CYP4F22: variants seen among roughly 807,000 people sequenced by gnomAD.
CYP4F22 encodes cytochrome P450 family 4 subfamily F member 22.
A neutral mutation model predicts 60.4 loss-of-function variants in CYP4F22; 37 were observed. The observed-to-expected ratio is 0.61, with a 90% CI of 0.47 to 0.81. CYP4F22 has a LOEUF of 0.81. Ranked by LOEUF, CYP4F22 falls within the 30% of genes least tolerant of loss-of-function variation. The pLI, the probability that CYP4F22 is intolerant of heterozygous loss-of-function variation, is 0.00. For synonymous variants in CYP4F22, 258 were observed against 280.5 expected, an observed-to-expected ratio of 0.92 and a Z score of 0.80; for missense variants, 655 against 715.0, an observed-to-expected ratio of 0.92 and a Z score of 0.96.
At chr19:15,510,640 T>C (rs564342782) in intron 1 of CYP4F22, among the ~76,000 whole-genome samples, 1 of 152,270 alleles carries the variant, frequency 6.6e-6, no homozygotes, top group East Asian at 1.9e-4. Context: ...AAAACTTCTT[T>C]TTCTGCCAGG....
chr19:15,525,345 C>T lies in CYP4F22; in HGVS notation c.9C>T (p.Pro3=). 1.2e-6 allele frequency: 2 copies of T among 1,613,566 alleles called. No individual in the cohort carries two copies. Among genetic ancestry groups the T allele is most frequent in the East Asian group, 2.2e-5 (1 of 44,882 alleles). ML[P]ITDRLLHLLG... ...CCCTGTGTGTCCCCAGGATGCTGCC[C>T]ATCACAGACCGCCTGCTGCACCTCC... The change falls in exon 3 of 14, where the codon CCC becomes CCT. Residue 3 remains proline (P), a synonymous_variant. Coordinates refer to ENST00000269703, the MANE Select transcript of CYP4F22 (RefSeq NM_173483.4).
chr19:15,528,064 T>C (rs958882016), intron 3 of CYP4F22, among the ~76,000 whole-genome samples: 2 of 152,274 alleles, frequency 1.3e-5, no homozygotes, highest in East Asian at 3.9e-4. Context: ...CTTGCCCATA[T>C]TCCTCTCAAC....
chr19:15,550,753 C>A lies in CYP4F22; in HGVS notation c.1415C>A (p.Pro472His). ...GCCTATGTGCCCTTCTCTGCAGGAC[C>A]CAGGTAACCCCTCTATTTCCCCTAG... ...PLAYVPFSAG[P>H]RNCIGQSFAM... is the part of the protein sequence containing the mutation. Residue 472 changes from proline to histidine, a missense_variant, in exon 13 of 14, where the codon CCC (proline) becomes CAC (histidine). This residue lies in a region of CYP4F22 where 151 missense variants were observed against 139.4 expected (regional missense o/e 1.08). Coordinates refer to ENST00000269703, the MANE Select transcript of CYP4F22 (RefSeq NM_173483.4). 2 of 1,614,176 alleles carry A rather than the reference C, an allele frequency of 1.2e-6. No individual in the cohort carries two copies. Among genetic ancestry groups the A allele is most frequent in the Non-Finnish European group, 8.5e-7 (1 of 1,180,016 alleles).
chr19:15,550,805 GCAGGGAAAGAT>G (rs1971586372), intron 13 of CYP4F22, 49 bp downstream of exon 13: 2 of 1,603,174 alleles, frequency 1.2e-6, no homozygotes, highest in African/African-American at 2.7e-5. Flanking sequence ...AGGAACAGAG[GCAGGGAAAGAT>G]CAGGAATGTG....
chr19:15,543,638 C>A (rs1223618286), intron 8 of CYP4F22, among the ~76,000 whole-genome samples: 1 of 152,072 alleles, frequency 6.6e-6, no homozygotes, highest in Non-Finnish European at 1.5e-5. Context: ...AGGTAGATCA[C>A]TTGAGGCCAC....
chr19:15,537,791 G>T (rs1420575192), intron 6 of CYP4F22, 81 bp from the exon 7 acceptor site: 2 of 1,610,358 alleles, frequency 1.2e-6, no homozygotes, highest in Non-Finnish European at 1.7e-6. Flanking sequence ...TGAGCTTGTA[G>T]TGAAAACGCA....
intron 3 of CYP4F22, among the ~76,000 whole-genome samples, chr19:15,527,258 C>A (rs114205152): frequency 2.3e-3 from 347 of 152,212 alleles, no homozygotes; most frequent in African/African-American, 7.9e-3. Flanking sequence ...TGCTTACACA[C>A]CCTCCATGGC....
At position 15,511,382 on chromosome 19, in the gene CYP4F22, C is replaced by T. The variant is rs557665805; in HGVS notation, c.-109+2799C>T. Among the ~76,000 whole-genome samples, 11 of 152,106 alleles carry T rather than the reference C, an allele frequency of 7.2e-5. No homozygotes were observed. In the South Asian group the frequency reaches 2.3e-3, roughly 32 times the overall value. ...GCTGAGGTGGGAGGATCACTCAAGC[C>T]CAGGACGGGGAGGTTGCAGTGAGCC... On this transcript the variant is annotated intron_variant, in intron 1 of 13. Coordinates refer to ENST00000269703, the MANE Select transcript of CYP4F22 (RefSeq NM_173483.4).
chr19:15,528,243 G>T (rs992256106), intron 3 of CYP4F22, among the ~76,000 whole-genome samples: 1 of 152,076 alleles, frequency 6.6e-6, no homozygotes, highest in African/African-American at 2.4e-5. Flanking sequence ...GCTTGAGCCC[G>T]GGAGTTTGAG....
chr19:15,513,450 C>T (rs1257633848), intron 1 of CYP4F22, among the ~76,000 whole-genome samples: 3 of 148,906 alleles, frequency 2.0e-5, no homozygotes, highest in South Asian at 2.1e-4. Context: ...CTGCAAACTC[C>T]GCCTCCCGGG....
intron 1 of CYP4F22, among the ~76,000 whole-genome samples, chr19:15,514,630 C>A (rs539686342): frequency 2.0e-5 from 3 of 151,658 alleles, no homozygotes; most frequent in Non-Finnish European, 2.9e-5. Context: ...AAGACTGTGC[C>A]GTTGCACTCC....
chr19:15,516,611 G>A lies in CYP4F22; in HGVS notation c.-108-7082G>A, dbSNP rs185250033. The A allele has an allele frequency of 1.7e-3, 522 of 302,636 alleles. 2 individuals are homozygous for A. Among genetic ancestry groups the A allele is most frequent in the Non-Finnish European group, 2.7e-3 (421 of 155,462 alleles). The allele number at this position is 302,636 out of a possible 1,614,324, so 18.7% of individuals were successfully genotyped here. ...AATGCTGATTTTTACTTGCAGTACC[G>A]AGGAACAAGCATTCTATTTCTGAAT... On this transcript the variant is annotated intron_variant, in intron 1 of 13. Transcript: ENST00000269703.
chr19:15,548,129 C>T lies in CYP4F22; in HGVS notation c.1158C>T (p.Pro386=), dbSNP rs1971553901. 1 of 1,613,512 alleles carries T rather than the reference C, an allele frequency of 6.2e-7. No homozygotes were observed. The highest frequency in any genetic ancestry group is 8.5e-7 in the Non-Finnish European group (1 of 1,179,842). The change falls in exon 11 of 14, where the codon CCC becomes CCT. Residue 386 remains proline, a synonymous_variant. Coordinates refer to ENST00000269703, the MANE Select transcript of CYP4F22 (RefSeq NM_173483.4). ...CCAGGGACGATCTGACTCAGCTGCC[C>T]TTTACAACTATGTGCATTAAGGAGA... is the stretch of plus-strand genomic sequence containing the variant. ...ELEWDDLTQL[P]FTTMCIKESL...
At chr19:15,520,285 G>A (rs1445035291) in intron 1 of CYP4F22, among the ~76,000 whole-genome samples, 1 of 149,030 alleles carries the variant, frequency 6.7e-6, no homozygotes, top group Non-Finnish European at 1.5e-5. Context: ...GGAGGAGCTT[G>A]CAGTGAGCTG....
Position 15,540,601 on chromosome 19 carries a change from A to G in CYP4F22, c.823A>G (p.Thr275Ala). Reference sequence around the variant, plus strand: ...GGCCTGTGACATGGTGCACCACTTCACCACTGAAGTCATCCAGGAACGGCG... The same window carrying G: ...GGCCTGTGACATGGTGCACCACTTCGCCACTGAAGTCATCCAGGAACGGCG... ...RQACDMVHHF[T>A]TEVIQERRRA... The change falls in exon 8 of 14, where the codon ACC becomes GCC. Residue 275 changes from threonine (T) to alanine (A), a missense_variant. Around this residue, in one of 3 missense-constraint regions of CYP4F22, gnomAD observed 430 missense variants for 457.1 expected, o/e 0.94. Coordinates refer to ENST00000269703, the MANE Select transcript of CYP4F22 (RefSeq NM_173483.4). 6.2e-7 allele frequency: 1 copy of G among 1,614,178 alleles called. No individual in the cohort carries two copies. Among genetic ancestry groups the G allele is most frequent in the Non-Finnish European group, 8.5e-7 (1 of 1,180,044 alleles).
At chr19:15,521,429 C>T (rs1056757861) in intron 1 of CYP4F22, among the ~76,000 whole-genome samples, 2 of 152,022 alleles carry the variant, frequency 1.3e-5, no homozygotes, top group South Asian at 2.1e-4. Context: ...GACGGGGTTT[C>T]GCCATGTTGG....
At chr19:15,513,655 C>G (rs555054744) in intron 1 of CYP4F22, among the ~76,000 whole-genome samples, 1 of 152,214 alleles carries the variant, frequency 6.6e-6, no homozygotes, top group African/African-American at 2.4e-5. Flanking sequence ...TGAGCCACCA[C>G]GCCCAGCCTA....
At chr19:15,530,708 A>G (rs563162721) in intron 4 of CYP4F22, among the ~76,000 whole-genome samples, 3 of 152,286 alleles carry the variant, frequency 2.0e-5, no homozygotes, top group South Asian at 2.1e-4. Context: ...AGAAGTGCCA[A>G]GTAAAAGGGG....
rs80302562 is a variant in CYP4F22 at position 15,548,949 on chromosome 19, G to A, written c.1271-189G>A. Among the ~76,000 whole-genome samples, 824 of 152,256 alleles carry A rather than the reference G, an allele frequency of 5.4e-3. 7 individuals carry two copies. Among genetic ancestry groups the A allele is most frequent in the African/African-American group, 0.019 (781 of 41,536 alleles). ...CCAGCTTGGCAGCCAGAAAGAAGAT[G>A]ATAGGTTCCTCTTAGGGAAAGGTGG... On this transcript the variant is annotated intron_variant, in intron 11 of 13. Transcript: ENST00000269703.
Sources: allele counts gnomAD v4.1 joint callset (sites outside exome capture counted in the v4.1 genomes callset), GRCh38; gene constraint gnomAD v4.1.1; regional missense constraint gnomAD v4.1.1; transcripts MANE v1.5; gene names NCBI Gene and HGNC (gene_info 2026-07-23, HGNC 2026-07-21).